The following DCPS variants were observed in gnomAD, a reference collection of about 807,000 sequenced individuals.
DCPS encodes m7GpppX diphosphatase.
A neutral mutation model predicts 34.7 loss-of-function variants in DCPS; 27 were observed. That is an observed-to-expected ratio of 0.78 (90% CI 0.57 to 1.07). DCPS has a LOEUF of 1.07. Ranked by LOEUF, DCPS falls within the 50% of genes least tolerant of loss-of-function variation. The probability of loss-of-function intolerance (pLI) is 0.00; values close to 1 mark genes in which losing one functional copy is unlikely to be tolerated. For synonymous variants in DCPS, 185 were observed against 185.7 expected, an observed-to-expected ratio of 1.00 and a Z score of 0.03; for missense variants, 464 against 436.9, an observed-to-expected ratio of 1.06 and a Z score of -0.55.
In DCPS at chr11:126,338,864, T is replaced by C. The variant is rs240542; in HGVS notation, c.636+465T>C. On this transcript the variant is annotated intron_variant, in intron 4 of 5. Coordinates refer to ENST00000263579, the MANE Select transcript of DCPS (RefSeq NM_014026.6). This position sits in a 1 kb window ranked among gnomAD's most constrained non-coding sequence, Gnocchi z 5.4. ...CTCCTCCTCAGCCCGAGCTGTGGAGTAGCTTAGCCCAGACTTCTACTCAGG... is the reference window on the plus strand; with the variant it reads ...CTCCTCCTCAGCCCGAGCTGTGGAGCAGCTTAGCCCAGACTTCTACTCAGG... Among the ~76,000 whole-genome samples, 91,347 of 152,046 alleles carry C rather than the reference T, an allele frequency of 0.6. 28,725 individuals are homozygous for C. The highest frequency in any genetic ancestry group is 0.79 in the African/African-American group (32,778 of 41,492).
intron 2 of DCPS, among the ~76,000 whole-genome samples, chr11:126,330,499 C>T (rs1951774483): frequency 6.6e-6 from 1 of 151,650 alleles, no homozygotes. Context: ...CCTCATTTGG[C>T]AGATGAAGAA....
Position 126,348,743 on chromosome 11 carries a change from G to C in DCPS, c.*3130G>C, listed in dbSNP as rs1361732976. ...TCACTAGACTGAGAGGGTCTTGAGG[G>C]TAGGAGCTTTGTTTTAGTTATCTCT... On this transcript the variant is annotated 3_prime_UTR_variant, in exon 6 of 6. Transcript: ENST00000263579. The surrounding 1 kb of genome is among the most constrained non-coding windows in gnomAD (Gnocchi z 5.3). 6.6e-6 allele frequency among the ~76,000 whole-genome samples: 1 copy of C among 152,228 alleles called. No individual in the cohort carries two copies. The highest frequency in any genetic ancestry group is 1.5e-5 in the Non-Finnish European group (1 of 68,044).
chr11:126,326,381 G>T (rs1359485729), intron 2 of DCPS, among the ~76,000 whole-genome samples: 1 of 152,210 alleles, frequency 6.6e-6, no homozygotes, highest in Non-Finnish European at 1.5e-5. Flanking sequence ...ACCACACGGG[G>T]CTGTGGGTCC....
At position 126,322,808 on chromosome 11, in the gene DCPS, A is replaced by G. The variant is rs1016849059; in HGVS notation, c.377-8597A>G. Among the ~76,000 whole-genome samples, 7 of 152,042 alleles carry G rather than the reference A, an allele frequency of 4.6e-5. No homozygotes were observed. The highest frequency in any genetic ancestry group is 1.2e-4 in the African/African-American group (5 of 41,394). On this transcript the variant is annotated intron_variant, in intron 2 of 5. Coordinates refer to ENST00000263579, the MANE Select transcript of DCPS (RefSeq NM_014026.6). The surrounding 1 kb of genome is among the most constrained non-coding windows in gnomAD (Gnocchi z 4.2). The stretch of plus-strand genomic sequence containing the variant: ...GGGGTTTCACCATGTTGGCCAGTCT[A>G]TCCTAAAATTCTTTAGCAAGAAGCA...
Position 126,342,999 on chromosome 11 carries a change from G to A in DCPS, c.637-308G>A, listed in dbSNP as rs554372297. Among the ~76,000 whole-genome samples, 1 of 151,098 alleles carries A rather than the reference G, an allele frequency of 6.6e-6. No homozygotes were observed. The highest frequency in any genetic ancestry group is 1.5e-5 in the Non-Finnish European group (1 of 67,882). Reference sequence around the variant, plus strand: ...GCAGAAGAATCGCTTGAACCCAGGAGGCGGAGGTTGCAGTGAGCCAAGATT... The same window carrying A: ...GCAGAAGAATCGCTTGAACCCAGGAAGCGGAGGTTGCAGTGAGCCAAGATT... On this transcript the variant is annotated intron_variant, in intron 4 of 5. Coordinates refer to ENST00000263579, the MANE Select transcript of DCPS (RefSeq NM_014026.6). This position sits in a 1 kb window ranked among gnomAD's most constrained non-coding sequence, Gnocchi z 4.4.
Position 126,323,702 on chromosome 11 carries a change from C to T in DCPS, c.377-7703C>T, listed in dbSNP as rs1951722485. On this transcript the variant is annotated intron_variant, in intron 2 of 5. Transcript: ENST00000263579. This position sits in a 1 kb window ranked among gnomAD's most constrained non-coding sequence, Gnocchi z 4.4. ...TACAGGCATGTGCTATCACACCCAG[C>T]TAATTTTTGTATTTTTTGTAGAGAT... is the stretch of plus-strand genomic sequence containing the variant. Among the ~76,000 whole-genome samples, 1 of 151,970 alleles carries T rather than the reference C, an allele frequency of 6.6e-6. No homozygotes were observed. Among genetic ancestry groups the T allele is most frequent in the Admixed American group, 6.6e-5 (1 of 15,248 alleles).
In DCPS at chr11:126,338,223, T is replaced by C; in HGVS notation, c.523-63T>C. On this transcript the variant is annotated intron_variant, in intron 3 of 5. Coordinates refer to ENST00000263579, the MANE Select transcript of DCPS (RefSeq NM_014026.6). The surrounding 1 kb of genome is among the most constrained non-coding windows in gnomAD (Gnocchi z 5.4). ...GGCCAGGGAATGCCCTGAGCTCAGTTTGGGGTATCTCTCAAGGGGTGATGA... is the reference window on the plus strand; with the variant it reads ...GGCCAGGGAATGCCCTGAGCTCAGTCTGGGGTATCTCTCAAGGGGTGATGA... 1.3e-6 allele frequency: 2 copies of C among 1,515,108 alleles called. No individual in the cohort carries two copies. The highest frequency in any genetic ancestry group is 2.3e-5 in the East Asian group (1 of 44,304). 93.9% of individuals were successfully genotyped at this position (1,515,108 alleles called of 1,614,324 possible).
intron 1 of DCPS, 128 bp downstream of exon 1, chr11:126,304,409 T>A (rs1436190297): frequency 2.3e-5 from 25 of 1,086,874 alleles, no homozygotes; most frequent in Non-Finnish European, 3.3e-5. Flanking sequence ...GAGGCGGGAG[T>A]GCGCCACTAG....
chr11:126,325,901 C>T lies in DCPS; in HGVS notation c.377-5504C>T, dbSNP rs895572731. 1.3e-5 allele frequency among the ~76,000 whole-genome samples: 2 copies of T among 152,082 alleles called. No individual in the cohort carries two copies. The highest frequency in any genetic ancestry group is 1.5e-5 in the Non-Finnish European group (1 of 68,030). On this transcript the variant is annotated intron_variant, in intron 2 of 5. Coordinates refer to ENST00000263579, the MANE Select transcript of DCPS (RefSeq NM_014026.6). This position sits in a 1 kb window ranked among gnomAD's most constrained non-coding sequence, Gnocchi z 4.3. ...TTGGGAGGCTGAGGTGGGCGGATTA[C>T]GAGATCAGGAAATCGAGGCCATCCT...
rs1261457033 is a variant in DCPS, at chr11:126,323,588, C to T, written c.377-7817C>T. Among the ~76,000 whole-genome samples the T allele has an allele frequency of 1.3e-4, 19 of 151,460 alleles. No homozygotes were observed. The highest frequency in any genetic ancestry group is 4.6e-4 in the African/African-American group (19 of 41,180). ...TCTTGCTCAGTCACCCAGGCTGGAGCGCAGTGGCACGATCACAGCTCACTG... is the reference window on the plus strand; with the variant it reads ...TCTTGCTCAGTCACCCAGGCTGGAGTGCAGTGGCACGATCACAGCTCACTG... On this transcript the variant is annotated intron_variant, in intron 2 of 5. Coordinates refer to ENST00000263579, the MANE Select transcript of DCPS (RefSeq NM_014026.6). The surrounding 1 kb of genome is among the most constrained non-coding windows in gnomAD (Gnocchi z 4.4).
chr11:126,340,913 T>C (rs1168414281), intron 4 of DCPS: 1 of 152,212 alleles, frequency 6.6e-6, no homozygotes, highest in Non-Finnish European at 1.5e-5. Context: ...TTTATTTTCT[T>C]GTAGGTTTAG....
At chr11:126,330,713 ATATATATTTTTTTTTTTTTTTTTTTT>A (rs1951780147) in intron 2 of DCPS, among the ~76,000 whole-genome samples, 2 of 24,136 alleles carry the variant, frequency 8.3e-5, no homozygotes, top group Admixed American at 6.1e-4. Context: ...ATATATATAT[ATATATATTTTTTTTTTTTTTTTTTTT>A]TTTTTTTTTT....
At chr11:126,321,846 C>A (rs1381841697) in intron 2 of DCPS, among the ~76,000 whole-genome samples, 1 of 151,774 alleles carries the variant, frequency 6.6e-6, no homozygotes, top group African/African-American at 2.4e-5. Context: ...ATTAAAGATA[C>A]AGCAGAAATG....
At chr11:126,321,673 G>C (rs1951707275) in intron 2 of DCPS, among the ~76,000 whole-genome samples, 1 of 147,686 alleles carries the variant, frequency 6.8e-6, no homozygotes, top group Non-Finnish European at 1.5e-5. Context: ...AGCTGAAAAA[G>C]AGAAGACAAG....
chr11:126,343,791 G>A (rs1047854499), intron 5 of DCPS, among the ~76,000 whole-genome samples: 3 of 152,194 alleles, frequency 2.0e-5, no homozygotes, highest in South Asian at 4.1e-4. Flanking sequence ...ACATGACTTC[G>A]ATATGTGTGT....
chr11:126,319,053 A>C lies in DCPS; in HGVS notation c.376+12309A>C, dbSNP rs1330476008. Among the ~76,000 whole-genome samples the C allele has an allele frequency of 1.3e-5, 2 of 152,192 alleles. No homozygotes were observed. On this transcript the variant is annotated intron_variant, in intron 2 of 5. Coordinates refer to ENST00000263579, the MANE Select transcript of DCPS (RefSeq NM_014026.6). This position sits in a 1 kb window ranked among gnomAD's most constrained non-coding sequence, Gnocchi z 4.5. ...CTTTATATATTAGGGAAGGGCTTGC[A>C]GCAGATCCTCAGGGTCTTGATGGAC...
chr11:126,305,257 G>A (rs71475950), intron 1 of DCPS, among the ~76,000 whole-genome samples: 16,783 of 151,840 alleles, frequency 0.11, 1,212 homozygotes, highest in Non-Finnish European at 0.16. Context: ...GGGATTACAG[G>A]CCCCCGCCAC....
intron 2 of DCPS, among the ~76,000 whole-genome samples, chr11:126,326,872 G>A (rs1214289020): frequency 1.2e-4 from 18 of 151,348 alleles, no homozygotes; most frequent in Admixed American, 1.2e-3. Context: ...GCAGTGAGCC[G>A]AGATCACGCC....
Position 126,306,468 on chromosome 11 carries a change from C to A in DCPS, c.202-102C>A. On this transcript the variant is annotated intron_variant, in intron 1 of 5. Transcript: ENST00000263579. ...AGGGAAGACTTCAGGGAAGGAAATC[C>A]CAAGTATTGGGAATTCAAAGGCCCT... is the stretch of plus-strand genomic sequence containing the variant. 4 of 1,283,752 alleles carry A rather than the reference C, an allele frequency of 3.1e-6. No individual in the cohort carries two copies. The South Asian group carries it at 5.4e-5, about 17-fold the overall frequency. 79.5% of individuals were successfully genotyped at this position (1,283,752 alleles called of 1,614,324 possible).
Sources: gnomAD v4.1 joint callset for allele counts (sites outside exome capture counted in the v4.1 genomes callset) on GRCh38, gnomAD v4.1.1 for gene constraint, Gnocchi (gnomAD v3.1) non-coding constraint, MANE v1.5 for transcripts, NCBI Gene and HGNC (gene_info 2026-07-23, HGNC 2026-07-21) for gene names.